The following RCC2 variants were observed in gnomAD, a reference collection of about 807,000 sequenced individuals.
RCC2 encodes the protein regulator of chromosome condensation 2.
A neutral mutation model predicts 64.1 loss-of-function variants in RCC2; 19 were observed. That is an observed-to-expected ratio of 0.30 (90% CI 0.21 to 0.44). The LOEUF is 0.44. Among genes scored for constraint, RCC2 ranks in the 20% least tolerant of loss-of-function variants. The pLI is 1.00. For synonymous variants in RCC2, 325 were observed against 279.6 expected, an observed-to-expected ratio of 1.16 and a Z score of -1.62; for missense variants, 508 against 710.4, an observed-to-expected ratio of 0.72 and a Z score of 3.24.
chr1:17,420,864 A>T (rs2100369236), intron 6 of RCC2, 36 bp from the exon 7 acceptor site: 20 of 1,353,502 alleles, frequency 1.5e-5, no homozygotes, highest in Admixed American at 6.4e-5. Flanking sequence ...CATTTTTTTT[A>T]AAGACTGATA....
rs1373835754 is a variant in RCC2 at position 17,415,265 on chromosome 1, C to A, written c.1026+1215G>T. Reference sequence around the variant, plus strand: ...GGCATTCTTCATCGGCAAGAAGATTCCAAGGGAAGGAGGTGGTGAGCTGAG... The same window carrying A: ...GGCATTCTTCATCGGCAAGAAGATTACAAGGGAAGGAGGTGGTGAGCTGAG... On this transcript the variant is annotated intron_variant, in intron 8 of 12. Coordinates refer to ENST00000375436, the MANE Select transcript of RCC2 (RefSeq NM_018715.4). Among the ~76,000 whole-genome samples the A allele has an allele frequency of 3.9e-5, 6 of 152,198 alleles. No homozygotes were observed. The East Asian group carries it at 1.2e-3, about 29-fold the overall frequency.
At chr1:17,425,349 G>C (rs756077010) in intron 4 of RCC2, among the ~76,000 whole-genome samples, 192 bp downstream of exon 4, 3 of 152,162 alleles carry the variant, frequency 2.0e-5, no homozygotes, top group Non-Finnish European at 1.5e-5. Context: ...AAAATGTCAG[G>C]GGGGAAGGGG....
In RCC2 at chr1:17,408,856, G is replaced by A; in HGVS notation, c.*234C>T. The stretch of plus-strand genomic sequence containing the variant: ...TTTGTAGGAATGGTAAATCAACTAT[G>A]AGCAAGTATTTTAATTCAACATTAA... On this transcript the variant is annotated 3_prime_UTR_variant, in exon 13 of 13. Transcript: ENST00000375436. 1 of 467,354 alleles carries A rather than the reference G, an allele frequency of 2.1e-6. No individual in the cohort carries two copies. Among genetic ancestry groups the A allele is most frequent in the Non-Finnish European group, 3.8e-6 (1 of 262,400 alleles). 29.0% of individuals were successfully genotyped at this position (467,354 alleles called of 1,614,324 possible).
intron 8 of RCC2, among the ~76,000 whole-genome samples, chr1:17,414,549 A>G (rs1433886437): frequency 2.1e-5 from 3 of 145,766 alleles, no homozygotes; most frequent in South Asian, 2.1e-4. Context: ...AAACAAAACG[A>G]AACAAAAAAA....
At chr1:17,423,548 C>T (rs78395829) in intron 4 of RCC2, among the ~76,000 whole-genome samples, 1 of 152,252 alleles carries the variant, frequency 6.6e-6, no homozygotes, top group South Asian at 2.1e-4. Flanking sequence ...ACCCCTACCC[C>T]CAAGTCCTCT....
chr1:17,437,213 T>C (rs1417811101), intron 2 of RCC2, among the ~76,000 whole-genome samples: 2 of 152,222 alleles, frequency 1.3e-5, no homozygotes, highest in East Asian at 3.8e-4. Flanking sequence ...GAAAGCACTC[T>C]GCTGTTAACC....
chr1:17,424,057 G>C (rs1322860981), intron 4 of RCC2, among the ~76,000 whole-genome samples: 1 of 152,220 alleles, frequency 6.6e-6, no homozygotes, highest in African/African-American at 2.4e-5. Context: ...TGAAAGGCAT[G>C]TGAATACAGA....
intron 3 of RCC2, among the ~76,000 whole-genome samples, chr1:17,427,231 A>G (rs1362546789): frequency 6.6e-6 from 1 of 152,186 alleles, no homozygotes; most frequent in African/African-American, 2.4e-5. Flanking sequence ...GTATCTGTGA[A>G]GTACGTTCCA....
At position 17,413,351 on chromosome 1, in the gene RCC2, G is replaced by A. The variant is rs184106737; in HGVS notation, c.1208-173C>T. Among the ~76,000 whole-genome samples, 116 of 152,324 alleles carry A rather than the reference G, an allele frequency of 7.6e-4. 1 individual carries two copies. The highest frequency in any genetic ancestry group is 2.7e-3 in the African/African-American group (112 of 41,574). On this transcript the variant is annotated intron_variant, in intron 9 of 12. Coordinates refer to ENST00000375436, the MANE Select transcript of RCC2 (RefSeq NM_018715.4). The stretch of plus-strand genomic sequence containing the variant: ...TGCAGTCCTAGCTACTCAGGACGCT[G>A]TGGTGGTAGGACTGCTTGAGCCCAG...
chr1:17,438,110 C>T (rs538544743), intron 2 of RCC2, 120 bp downstream of exon 2: 9,560 of 753,760 alleles, frequency 0.013, 98 homozygotes, highest in Middle Eastern at 0.016. Flanking sequence ...CTGCGCCGGC[C>T]CGGCCGCCGG....
chr1:17,429,234 T>A (rs762290668), intron 2 of RCC2, 35 bp from the exon 3 acceptor site: 15 of 1,536,416 alleles, frequency 9.8e-6, no homozygotes, highest in Non-Finnish European at 1.4e-5. Context: ...AGAATTAGTG[T>A]GTAAGTCTGC....
chr1:17,426,888 G>T (rs183650887), intron 3 of RCC2, among the ~76,000 whole-genome samples: 1 of 150,058 alleles, frequency 6.7e-6, no homozygotes, highest in Non-Finnish European at 1.5e-5. Context: ...TCAGCCTCAC[G>T]AGTAACTGGG....
chr1:17,418,035 A>AT (rs60960598), intron 7 of RCC2, among the ~76,000 whole-genome samples: 55,593 of 151,666 alleles, frequency 0.37, 10,293 homozygotes, highest in African/African-American at 0.42. Flanking sequence ...ATACTATGCC[A>AT]TTTTATATAA....
chr1:17,433,457 T>C (rs776742079), intron 2 of RCC2, among the ~76,000 whole-genome samples: 1 of 152,104 alleles, frequency 6.6e-6, no homozygotes, highest in Non-Finnish European at 1.5e-5. Flanking sequence ...GGTGTGTGGG[T>C]GTCTGAAGCT....
rs1276951412 is a variant in RCC2, at chr1:17,438,350, G to T, written c.165C>A (p.Asp55Glu). 4.8e-6 allele frequency: 6 copies of T among 1,241,442 alleles called. No individual in the cohort carries two copies. The highest frequency in any genetic ancestry group is 6.0e-6 in the Non-Finnish European group (6 of 993,080). The allele number at this position is 1,241,442 out of a possible 1,614,324, so 76.9% of individuals were successfully genotyped here. Residue 55 changes from aspartate (D) to glutamate (E), a missense_variant, in exon 2 of 13, where the codon GAC becomes GAA. Asp to Glu is a conservative substitution (Grantham distance 45). This residue lies in a region of RCC2 where 195 missense variants were observed against 158.3 expected (regional missense o/e 1.23). Transcript: ENST00000375436. ...SSGGGSSGDE[D>E]GLELDGAPGG... ...CGGGGGCCCCGTCGAGCTCCAGGCC[G>T]TCCTCGTCGCCGCTGCTGCCGCCGC...
At position 17,410,022 on chromosome 1, in the gene RCC2, G is replaced by T. The variant is rs754751310; in HGVS notation, c.1416C>A (p.Ser472=). The T allele has an allele frequency of 1.9e-6, 3 of 1,614,064 alleles. No individual in the cohort carries two copies. Among genetic ancestry groups the T allele is most frequent in the Non-Finnish European group, 2.5e-6 (3 of 1,179,964 alleles). ...GAGTCTTTACCTCCTGGGCTGCAGT[G>T]GAAGACTTGGGCTTGTGGTCCCCGT... ...LGYGDHKPKS[S]TAAQEVKTLD... is the part of the protein sequence containing the mutation. Residue 472 remains serine, a synonymous_variant, in exon 12 of 13, where the codon TCC becomes TCA. Coordinates refer to ENST00000375436, the MANE Select transcript of RCC2 (RefSeq NM_018715.4).
intron 2 of RCC2, among the ~76,000 whole-genome samples, chr1:17,437,883 C>T (rs1290626914): frequency 1.3e-4 from 19 of 145,618 alleles, no homozygotes; most frequent in African/African-American, 4.7e-4. Context: ...GTCCCCTTTC[C>T]CGGGGCGGGG....
intron 2 of RCC2, among the ~76,000 whole-genome samples, chr1:17,431,359 A>AAATAT (rs1553158471): frequency 4.5e-4 from 20 of 44,936 alleles, no homozygotes; most frequent in Non-Finnish European, 6.1e-4. Flanking sequence ...AAAAAAAAAA[A>AAATAT]ATATATATAT....
At chr1:17,435,386 C>T (rs1427755499) in intron 2 of RCC2, among the ~76,000 whole-genome samples, 1 of 152,218 alleles carries the variant, frequency 6.6e-6, no homozygotes, top group African/African-American at 2.4e-5. Context: ...CAGACCTCCT[C>T]CTAGCAACCC....
Sources: gnomAD v4.1 joint callset for allele counts (sites outside exome capture counted in the v4.1 genomes callset) on GRCh38, gnomAD v4.1.1 for gene constraint, gnomAD v4.1.1 regional missense constraint, MANE v1.5 for transcripts, NCBI Gene and HGNC (gene_info 2026-07-23, HGNC 2026-07-21) for gene names.